The following MLLT10 variants were observed in gnomAD, a reference collection of about 807,000 sequenced individuals.
The protein encoded by MLLT10 is protein AF-10.
In MLLT10, 30 loss-of-function variants were observed where a neutral mutation model predicts 129.1. The ratio of observed to expected loss-of-function variants is 0.23; its 90% confidence interval spans 0.17 to 0.32. MLLT10 has a LOEUF of 0.32. Ranked by LOEUF, MLLT10 falls within the 10% of genes least tolerant of loss-of-function variation. The probability of loss-of-function intolerance (pLI) is 1.00; values close to 1 mark genes in which losing one functional copy is unlikely to be tolerated. For missense variants in MLLT10, 1,119 were observed against 1,268.3 expected (o/e 0.88, Z 1.79); for synonymous variants, 490 against 446.4 (o/e 1.10, Z -1.23).
At chr10:21,540,883 G>A (rs1411940152) in intron 3 of MLLT10, among the ~76,000 whole-genome samples, 1 of 152,160 alleles carries the variant, frequency 6.6e-6, no homozygotes, top group African/African-American at 2.4e-5. Flanking sequence ...TAATGGGCTG[G>A]GTGCTGTGGC....
At position 21,576,461 on chromosome 10, in the gene MLLT10, C is replaced by T. The variant is rs181706962; in HGVS notation, c.241-9833C>T. Among the ~76,000 whole-genome samples the T allele has an allele frequency of 2.1e-3, 325 of 151,478 alleles. 3 individuals carry two copies. Among genetic ancestry groups the T allele is most frequent in the African/African-American group, 7.5e-3 (308 of 41,302 alleles). ...TGTCACCATGTTGACAGGCTGGTCT[C>T]GATCTCCTACCTTGTGATCCACCCA... On this transcript the variant is annotated intron_variant, in intron 3 of 22. Transcript: ENST00000307729.
At chr10:21,621,057 T>C (rs1205103662) in intron 8 of MLLT10, among the ~76,000 whole-genome samples, 1 of 151,398 alleles carries the variant, frequency 6.6e-6, no homozygotes. Context: ...CAATCTCGGT[T>C]TACTGCAAGC....
intron 8 of MLLT10, among the ~76,000 whole-genome samples, chr10:21,635,449 CA>C (rs2047367966): frequency 6.6e-6 from 1 of 152,144 alleles, no homozygotes; most frequent in Non-Finnish European, 1.5e-5. Context: ...TGGCTCGCTG[CA>C]GCCTCTGCCT....
intron 9 of MLLT10, among the ~76,000 whole-genome samples, chr10:21,660,490 C>A (rs545123328): frequency 1.5e-3 from 229 of 151,302 alleles, no homozygotes; most frequent in Non-Finnish European, 2.4e-4. Context: ...GTGGTGCAGG[C>A]CCATAGTCCC....
At chr10:21,740,334 T>C in intron 22 of MLLT10, 98 bp downstream of exon 22, 1 of 1,366,930 alleles carries the variant, frequency 7.3e-7, no homozygotes, top group South Asian at 1.4e-5. Flanking sequence ...CCTGATCATT[T>C]CTTCTTAAAA....
At chr10:21,557,223 T>G in intron 3 of MLLT10, 2 of 1,163,632 alleles carry the variant, frequency 1.7e-6, no homozygotes, top group Non-Finnish European at 2.2e-6. Context: ...TTGTGCTTAA[T>G]GATTGAGTTA....
chr10:21,555,719 C>T (rs2037833769), intron 3 of MLLT10, among the ~76,000 whole-genome samples: 1 of 149,910 alleles, frequency 6.7e-6, no homozygotes, highest in African/African-American at 2.5e-5. Flanking sequence ...CTCTTGTTGC[C>T]CAGGCTGGTG....
At chr10:21,715,195 A>G (rs916749668) in intron 14 of MLLT10, among the ~76,000 whole-genome samples, 2 of 152,192 alleles carry the variant, frequency 1.3e-5, no homozygotes, top group East Asian at 1.9e-4. Context: ...GGCAAGCACA[A>G]TGTTAGGTTA....
chr10:21,690,477 T>A (rs1171703086), intron 13 of MLLT10, among the ~76,000 whole-genome samples: 1 of 152,172 alleles, frequency 6.6e-6, no homozygotes. Context: ...TGAATGTGTT[T>A]ACAAAAGCGT....
intron 11 of MLLT10, among the ~76,000 whole-genome samples, chr10:21,675,933 A>G (rs1564628802): frequency 6.6e-6 from 1 of 152,138 alleles, no homozygotes; most frequent in Non-Finnish European, 1.5e-5. Flanking sequence ...GGTGTGAGGA[A>G]TAGTGTTCCT....
rs950513696 is a variant in MLLT10 at position 21,631,824 on chromosome 10, C to CATGAG, written c.699+14620_699+14624dup. On this transcript the variant is annotated intron_variant, in intron 8 of 22. Transcript: ENST00000307729. ...CCAACACTTGCAGATTACAGTTCAA[C>CATGAG]ATGAGATTTAGGTGAGGACACAGAG... 8.6e-5 allele frequency among the ~76,000 whole-genome samples: 13 copies of CATGAG among 151,428 alleles called. 1 individual carries two copies. The South Asian group carries it at 1.7e-3, about 20-fold the overall frequency.
At chr10:21,672,167 C>CTGTGTG (rs1252360576) in intron 10 of MLLT10, among the ~76,000 whole-genome samples, 12 of 76,652 alleles carry the variant, frequency 1.6e-4, no homozygotes, top group African/African-American at 5.4e-4. Context: ...TCCAGGTTTT[C>CTGTGTG]AGTGTGTGTG....
At chr10:21,722,186 A>G (rs946689614) in intron 14 of MLLT10, among the ~76,000 whole-genome samples, 2 of 152,196 alleles carry the variant, frequency 1.3e-5, no homozygotes, top group Non-Finnish European at 2.9e-5. Context: ...AGTTAGATAT[A>G]TCATGGATAT....
chr10:21,627,112 T>C (rs550661164), intron 8 of MLLT10, among the ~76,000 whole-genome samples: 6 of 152,290 alleles, frequency 3.9e-5, no homozygotes, highest in African/African-American at 1.4e-4. Context: ...CAAATAATAA[T>C]GCTGTACTAC....
intron 5 of MLLT10, among the ~76,000 whole-genome samples, chr10:21,598,998 C>T (rs560398512): frequency 7.8e-4 from 119 of 151,754 alleles, no homozygotes; most frequent in African/African-American, 2.6e-3. Context: ...ACCAAGATGG[C>T]GAAACCCCGT....
intron 5 of MLLT10, among the ~76,000 whole-genome samples, chr10:21,610,618 C>CTT (rs76661876): frequency 2.9e-5 from 4 of 138,140 alleles, no homozygotes; most frequent in African/African-American, 7.9e-5. Context: ...CACCCCCCTT[C>CTT]TTTTTTTTTT....
At chr10:21,593,741 A>T (rs763051720) in intron 4 of MLLT10, among the ~76,000 whole-genome samples, 2 of 151,910 alleles carry the variant, frequency 1.3e-5, no homozygotes, top group Admixed American at 6.6e-5. Context: ...AGCCTGGTCA[A>T]CATAGTGAAA....
intron 13 of MLLT10, among the ~76,000 whole-genome samples, chr10:21,699,244 T>G (rs2054667010): frequency 6.6e-6 from 1 of 152,062 alleles, no homozygotes; most frequent in East Asian, 1.9e-4. Context: ...TCTTTTTTTT[T>G]TTTTTTTAAT....
rs1041660304 is a variant in MLLT10, at chr10:21,673,460, T to C, written c.1162T>C (p.Ser388Pro). 5.6e-6 allele frequency: 9 copies of C among 1,613,638 alleles called. No individual in the cohort carries two copies. The highest frequency in any genetic ancestry group is 7.6e-6 in the Non-Finnish European group (9 of 1,179,940). Residue 388 changes from serine (S) to proline (P), a missense_variant, in exon 11 of 23, where the codon TCT becomes CCT. Transcript: ENST00000307729. ...TDSDLRNDSY[S>P]HSQQSSATKD... The stretch of plus-strand genomic sequence containing the variant: ...CTCAGATCTGCGTAATGACAGTTAC[T>C]CTCACTCCCAACAGTCATCAGCAAC...
Sources: gnomAD v4.1 joint callset for allele counts (sites outside exome capture counted in the v4.1 genomes callset) on GRCh38, gnomAD v4.1.1 for gene constraint, MANE v1.5 for transcripts, NCBI Gene and HGNC (gene_info 2026-07-23, HGNC 2026-07-21) for gene names.